Variants in LRRTM3 observed in about 807,000 individuals in gnomAD.
LRRTM3 encodes leucine rich repeat transmembrane neuronal 3.
A neutral mutation model predicts 44.7 loss-of-function variants in LRRTM3; 24 were observed. The ratio of observed to expected loss-of-function variants is 0.54; its 90% CI spans 0.39 to 0.76. The LOEUF is 0.76. Ranked by LOEUF, LRRTM3 falls within the 30% of genes least tolerant of loss-of-function variation. LRRTM3 has a pLI of 0.00. For synonymous variants in LRRTM3, 277 were observed against 278.7 expected (o/e 0.99, Z 0.06); for missense variants, 587 against 702.2 (o/e 0.84, Z 1.85).
At chr10:67,025,644 T>G (rs1444108630) in intron 2 of LRRTM3, among the ~76,000 whole-genome samples, 3 of 152,162 alleles carry the variant, frequency 2.0e-5, no homozygotes, top group East Asian at 3.9e-4. Context: ...TATAGCAAGT[T>G]GAAATCCTCT....
chr10:66,956,532 A>G (rs913314598), intron 2 of LRRTM3, among the ~76,000 whole-genome samples: 9 of 152,148 alleles, frequency 5.9e-5, no homozygotes, highest in African/African-American at 2.2e-4. Flanking sequence ...AGCAAGGAGG[A>G]GGCAAGCTTT....
At chr10:67,004,467 T>TG (rs1851861591) in intron 2 of LRRTM3, among the ~76,000 whole-genome samples, 2 of 151,192 alleles carry the variant, frequency 1.3e-5, no homozygotes, top group Admixed American at 1.3e-4. Flanking sequence ...ACTTCATCTC[T>TG]GTTAGCTTTT....
intron 2 of LRRTM3, among the ~76,000 whole-genome samples, chr10:66,980,401 A>G (rs1449598633): frequency 6.6e-6 from 1 of 152,200 alleles, no homozygotes; most frequent in Non-Finnish European, 1.5e-5. Flanking sequence ...CTTCTGGCTC[A>G]CACAGAGAAA....
Position 66,928,204 on chromosome 10 carries a change from T to G in LRRTM3, c.1288T>G (p.Ser430Ala). 5.0e-6 allele frequency: 8 copies of G among 1,614,110 alleles called. No homozygotes were observed. Among genetic ancestry groups the G allele is most frequent in the Non-Finnish European group, 5.9e-6 (7 of 1,180,042 alleles). Residue 430 changes from serine (S) to alanine (A), a missense_variant, in exon 2 of 3, where the codon TCC becomes GCC. Around this residue, in one of 3 missense-constraint regions of LRRTM3, gnomAD observed 315 missense variants for 335.6 expected, o/e 0.94. Coordinates refer to ENST00000361320, the MANE Select transcript of LRRTM3 (RefSeq NM_178011.5). ...CGCGGGCAGCGTGGCGCTTTTCCTG[T>G]CCGTGCTCGTCATCCTGCTGGTTAT... ...IIAGSVALFL[S>A]VLVILLVIYV...
At chr10:67,029,721 A>T (rs2133104773) in intron 2 of LRRTM3, among the ~76,000 whole-genome samples, 1 of 152,356 alleles carries the variant, frequency 6.6e-6, no homozygotes, top group South Asian at 2.1e-4. Context: ...ATTTTTACAA[A>T]TTAACTTTTA....
chr10:66,933,740 AG>A (rs34639662), intron 2 of LRRTM3, among the ~76,000 whole-genome samples: 6,615 of 152,276 alleles, frequency 0.043, 176 homozygotes, highest in Middle Eastern at 0.085. Flanking sequence ...ATAAATGTAC[AG>A]GGACTTCCTT....
In LRRTM3 at chr10:66,949,142, G is replaced by T. The variant is rs541239637; in HGVS notation, c.1536+20690G>T. Among the ~76,000 whole-genome samples, 22 of 152,288 alleles carry T rather than the reference G, an allele frequency of 1.4e-4. No individual in the cohort carries two copies. The South Asian group carries it at 4.1e-3, about 29-fold the overall frequency. On this transcript the variant is annotated intron_variant, in intron 2 of 2. Transcript: ENST00000361320. The stretch of plus-strand genomic sequence containing the variant: ...AATGGAGCCATTCAGCAATATGAAA[G>T]AATGCAGGCAAATTTCTATGATTAG...
At chr10:67,008,052 C>G (rs991372805) in intron 2 of LRRTM3, among the ~76,000 whole-genome samples, 1 of 151,506 alleles carries the variant, frequency 6.6e-6, no homozygotes, top group Admixed American at 6.6e-5. Context: ...AATGAATTTA[C>G]TAAAAAATGA....
At chr10:67,024,948 A>G (rs771541804) in intron 2 of LRRTM3, among the ~76,000 whole-genome samples, 1 of 151,914 alleles carries the variant, frequency 6.6e-6, no homozygotes, top group Non-Finnish European at 1.5e-5. Context: ...CTGACCAACA[A>G]GAAGACACCC....
At chr10:67,081,783 C>T (rs1857072242) in intron 2 of LRRTM3, among the ~76,000 whole-genome samples, 1 of 152,182 alleles carries the variant, frequency 6.6e-6, no homozygotes, top group Non-Finnish European at 1.5e-5. Context: ...TGTCTTCCTT[C>T]AAGACTCAGC....
intron 2 of LRRTM3, among the ~76,000 whole-genome samples, chr10:67,051,702 C>T (rs1855109233): frequency 6.6e-6 from 1 of 151,484 alleles, no homozygotes; most frequent in South Asian, 2.1e-4. Context: ...CTGCACTCGG[C>T]CCACACATCT....
chr10:67,040,551 T>C (rs1854329046), intron 2 of LRRTM3, among the ~76,000 whole-genome samples: 1 of 152,138 alleles, frequency 6.6e-6, no homozygotes, highest in Non-Finnish European at 1.5e-5. Context: ...CCTTAGTTCT[T>C]ATGGATTCTT....
At chr10:67,095,637 T>A (rs1355638298) in intron 2 of LRRTM3, among the ~76,000 whole-genome samples, 1 of 151,870 alleles carries the variant, frequency 6.6e-6, no homozygotes, top group Non-Finnish European at 1.5e-5. Flanking sequence ...AATTACAAAT[T>A]ATTCACAGTA....
At chr10:67,028,603 C>T (rs552967979) in intron 2 of LRRTM3, among the ~76,000 whole-genome samples, 7 of 148,558 alleles carry the variant, frequency 4.7e-5, no homozygotes, top group African/African-American at 1.2e-4. Flanking sequence ...TTTTCCAGGC[C>T]AAGAAGGAAG....
intron 2 of LRRTM3, among the ~76,000 whole-genome samples, chr10:66,956,198 C>A (rs1848783470): frequency 6.6e-6 from 1 of 151,292 alleles, no homozygotes; most frequent in East Asian, 1.9e-4. Context: ...TTCTAATTAA[C>A]ACAAAGGTGA....
At chr10:66,932,719 T>C (rs376517118) in intron 2 of LRRTM3, among the ~76,000 whole-genome samples, 2 of 152,154 alleles carry the variant, frequency 1.3e-5, no homozygotes, top group African/African-American at 2.4e-5. Flanking sequence ...TAATAATACA[T>C]AGGTGAAAGT....
chr10:66,928,039 C>T lies in LRRTM3; in HGVS notation c.1123C>T (p.Leu375Phe), dbSNP rs2132626138. 6.2e-7 allele frequency: 1 copy of T among 1,614,112 alleles called. No individual in the cohort carries two copies. The highest frequency in any genetic ancestry group is 2.2e-5 in the East Asian group (1 of 44,878). ...TTERFDLARA[L>F]PKPTFKPKLP... ...AGAGAGGTTTGATCTGGCCAGGGCTCTCCCAAAGCCGACGTTTAAGCCCAA... is the reference window on the plus strand; with the variant it reads ...AGAGAGGTTTGATCTGGCCAGGGCTTTCCCAAAGCCGACGTTTAAGCCCAA... The change falls in exon 2 of 3, where the codon CTC (leucine) becomes TTC (phenylalanine). Residue 375 changes from leucine (L) to phenylalanine (F), a missense_variant. This residue lies in a region of LRRTM3 where 315 missense variants were observed against 335.6 expected (regional missense o/e 0.94). Transcript: ENST00000361320.
chr10:67,038,902 T>C (rs1052091930), intron 2 of LRRTM3, among the ~76,000 whole-genome samples: 7 of 152,086 alleles, frequency 4.6e-5, no homozygotes, highest in African/African-American at 1.2e-4. Context: ...AAGGAACAAA[T>C]TAACTATAAA....
chr10:67,068,475 A>G (rs1420203189), intron 2 of LRRTM3, among the ~76,000 whole-genome samples: 3 of 152,216 alleles, frequency 2.0e-5, no homozygotes, highest in Non-Finnish European at 4.4e-5. Context: ...AGAGACACAG[A>G]TTTGAAACTT....
Sources: gnomAD v4.1 joint callset for allele counts (sites outside exome capture counted in the v4.1 genomes callset) on GRCh38, gnomAD v4.1.1 for gene constraint, gnomAD v4.1.1 regional missense constraint, MANE v1.5 for transcripts, NCBI Gene and HGNC (gene_info 2026-07-23, HGNC 2026-07-21) for gene names.